Variants in SORCS2 observed in about 807,000 individuals in gnomAD.
SORCS2 encodes the protein sortilin related VPS10 domain containing receptor 2, also known as VPS10 domain-containing receptor SorCS2.
SORCS2 carries 100 observed loss-of-function variants against 141.6 expected under a neutral mutation model. That is an observed-to-expected ratio of 0.71 (90% CI 0.60 to 0.83). The LOEUF is 0.83. SORCS2 is among the 40% of genes least tolerant of loss of function. The pLI is 0.00. For missense variants in SORCS2, 1,646 were observed against 1,560.2 expected (o/e 1.05, Z -0.93); for synonymous variants, 789 against 676.9 (o/e 1.17, Z -2.57).
At chr4:7,698,179 C>T (rs2109005085) in intron 12 of SORCS2, among the ~76,000 whole-genome samples, 1 of 152,310 alleles carries the variant, frequency 6.6e-6, no homozygotes, top group East Asian at 1.9e-4. Flanking sequence ...GCTGGCCTGC[C>T]AACCTCATGG....
intron 10 of SORCS2, among the ~76,000 whole-genome samples, chr4:7,685,079 G>A (rs1231596193): frequency 6.6e-6 from 1 of 152,170 alleles, no homozygotes; most frequent in Non-Finnish European, 1.5e-5. Flanking sequence ...CCAGCCCTTT[G>A]TAAAAACGCT....
At chr4:7,639,929 G>T (rs1720550240) in intron 4 of SORCS2, among the ~76,000 whole-genome samples, 1 of 50,786 alleles carries the variant, frequency 2.0e-5, no homozygotes, top group African/African-American at 5.3e-5. Context: ...GTGTTTGTGA[G>T]AATATGTCTG....
intron 1 of SORCS2, among the ~76,000 whole-genome samples, chr4:7,299,118 A>G (rs1308083376): frequency 2.6e-5 from 4 of 152,070 alleles, no homozygotes; most frequent in Non-Finnish European, 5.9e-5. Context: ...CTGGGGGAGG[A>G]AAGTAGGAGG....
At chr4:7,328,018 CTTTTTTT>C (rs60976971) in intron 1 of SORCS2, among the ~76,000 whole-genome samples, 3 of 88,698 alleles carry the variant, frequency 3.4e-5, no homozygotes, top group African/African-American at 8.3e-5. Context: ...TCGTGCTAGG[CTTTTTTT>C]TTTTTTTTTT....
chr4:7,651,008 C>G (rs560628608), intron 4 of SORCS2, among the ~76,000 whole-genome samples: 48 of 152,274 alleles, frequency 3.2e-4, no homozygotes, highest in African/African-American at 1.1e-3. Context: ...CCCAGAGGGG[C>G]AGCTGGCAAA....
intron 25 of SORCS2, among the ~76,000 whole-genome samples, chr4:7,735,563 C>A (rs1220779231): frequency 6.6e-6 from 1 of 152,114 alleles, no homozygotes; most frequent in Non-Finnish European, 1.5e-5. Context: ...GGAGGACTTC[C>A]CTGAGGAAGT....
At chr4:7,270,679 C>T (rs750898295) in intron 1 of SORCS2, among the ~76,000 whole-genome samples, 1 of 152,220 alleles carries the variant, frequency 6.6e-6, no homozygotes, top group African/African-American at 2.4e-5. Context: ...CATCCGTTGC[C>T]CTTCAAGCCA....
intron 1 of SORCS2, among the ~76,000 whole-genome samples, chr4:7,255,060 T>G (rs1232478658): frequency 6.6e-6 from 1 of 151,922 alleles, no homozygotes; most frequent in Admixed American, 6.6e-5. Context: ...TGTGTGAGCG[T>G]GCGTGAGAGA....
intron 1 of SORCS2, among the ~76,000 whole-genome samples, chr4:7,238,495 G>C (rs886638926): frequency 1.3e-5 from 2 of 152,192 alleles, no homozygotes; most frequent in African/African-American, 2.4e-5. Context: ...CTGGTCACTG[G>C]GTGGCGCTGT....
chr4:7,516,104 G>A (rs116575130), intron 2 of SORCS2, among the ~76,000 whole-genome samples: 2,114 of 152,272 alleles, frequency 0.014, 57 homozygotes, highest in African/African-American at 0.048. Context: ...CATTCCACCC[G>A]CATTTACCGG....
chr4:7,506,344 T>G (rs1274904774), intron 2 of SORCS2, among the ~76,000 whole-genome samples: 1 of 152,168 alleles, frequency 6.6e-6, no homozygotes, highest in Non-Finnish European at 1.5e-5. Context: ...CATGGTTATA[T>G]TTGCTCCATT....
At chr4:7,288,961 T>G (rs778770842) in intron 1 of SORCS2, among the ~76,000 whole-genome samples, 168 of 150,822 alleles carry the variant, frequency 1.1e-3, no homozygotes, top group Non-Finnish European at 2.0e-3. Context: ...CTTCCTATCT[T>G]TCCTTTGAGT....
chr4:7,438,934 C>A (rs755514207), intron 2 of SORCS2, among the ~76,000 whole-genome samples: 9 of 152,100 alleles, frequency 5.9e-5, no homozygotes, highest in Non-Finnish European at 1.0e-4. Flanking sequence ...CTGTGGGAGT[C>A]CCCTCAGGCA....
chr4:7,687,949 A>C (rs1331916278), intron 10 of SORCS2, among the ~76,000 whole-genome samples: 2 of 152,184 alleles, frequency 1.3e-5, no homozygotes, highest in Non-Finnish European at 1.5e-5. Flanking sequence ...TGCTCCGGGC[A>C]TTGCTCATGG....
intron 3 of SORCS2, among the ~76,000 whole-genome samples, chr4:7,587,171 C>A (rs1207624068): frequency 6.6e-6 from 1 of 151,986 alleles, no homozygotes; most frequent in Non-Finnish European, 1.5e-5. Context: ...GGATGCCCTT[C>A]AGTTGTCTGA....
intron 2 of SORCS2, among the ~76,000 whole-genome samples, chr4:7,525,720 C>T (rs1298989115): frequency 6.7e-6 from 1 of 148,974 alleles, no homozygotes; most frequent in Non-Finnish European, 1.5e-5. Flanking sequence ...TCCCTTCTTG[C>T]AGTCACCTGT....
intron 8 of SORCS2, among the ~76,000 whole-genome samples, chr4:7,671,010 C>G (rs574667145): frequency 1.3e-5 from 2 of 152,190 alleles, no homozygotes; most frequent in Non-Finnish European, 2.9e-5. Flanking sequence ...TCCCCCTTTT[C>G]CCTTTTGGGA....
intron 2 of SORCS2, among the ~76,000 whole-genome samples, chr4:7,455,829 A>G (rs1350005060): frequency 6.6e-6 from 1 of 152,182 alleles, no homozygotes; most frequent in Admixed American, 6.5e-5. Flanking sequence ...TGTTGGGGTC[A>G]TGCTCTGTAC....
chr4:7,430,115 G>A (rs114176632), intron 2 of SORCS2, among the ~76,000 whole-genome samples: 2,637 of 152,252 alleles, frequency 0.017, 79 homozygotes, highest in African/African-American at 0.061. Flanking sequence ...AAGTGAAAGT[G>A]GGGGAGGGAG....
Sources: gnomAD v4.1 joint callset for allele counts (sites outside exome capture counted in the v4.1 genomes callset) on GRCh38, gnomAD v4.1.1 for gene constraint, MANE v1.5 for transcripts, NCBI Gene and HGNC (gene_info 2026-07-23, HGNC 2026-07-21) for gene names.